EBF1: variants seen among roughly 807,000 people sequenced by gnomAD.
EBF1 encodes the protein EBF transcription factor 1.
Under a neutral mutation model 68.4 loss-of-function variants are expected in EBF1, and 10 were observed. The ratio of observed to expected loss-of-function variants is 0.15; its 90% CI spans 0.09 to 0.25. The LOEUF is 0.25. EBF1 is among the 10% of genes least tolerant of loss of function. The pLI is 1.00. For synonymous variants in EBF1, 298 were observed against 299.8 expected, an observed-to-expected ratio of 0.99 and a Z score of 0.06; for missense variants, 509 against 794.4, an observed-to-expected ratio of 0.64 and a Z score of 4.32.
chr5:158,906,551 G>C (rs994175418), intron 6 of EBF1, among the ~76,000 whole-genome samples: 4 of 152,138 alleles, frequency 2.6e-5, no homozygotes, highest in Admixed American at 2.6e-4. Flanking sequence ...GCTTACACAC[G>C]TCTCATACTC....
chr5:158,970,206 G>C (rs1755345198), intron 6 of EBF1, among the ~76,000 whole-genome samples: 1 of 152,164 alleles, frequency 6.6e-6, no homozygotes, highest in African/African-American at 2.4e-5. Flanking sequence ...ATTTCTTCCA[G>C]AGTGCAGATA....
At chr5:158,853,773 C>T (rs1234389635) in intron 6 of EBF1, among the ~76,000 whole-genome samples, 1 of 152,164 alleles carries the variant, frequency 6.6e-6, no homozygotes, top group Non-Finnish European at 1.5e-5. Flanking sequence ...CACACACTCA[C>T]ATACACATAC....
chr5:158,881,846 G>A (rs546062317), intron 6 of EBF1, among the ~76,000 whole-genome samples: 1 of 152,266 alleles, frequency 6.6e-6, no homozygotes, highest in South Asian at 2.1e-4. Flanking sequence ...CAGCAATGCA[G>A]GGATTCTCAG....
chr5:158,964,191 G>A (rs187073830), intron 6 of EBF1, among the ~76,000 whole-genome samples: 5 of 152,282 alleles, frequency 3.3e-5, no homozygotes, highest in Non-Finnish European at 7.4e-5. Flanking sequence ...CAGAGTTCAC[G>A]GTGAGTGTGC....
chr5:158,903,349 T>C (rs1444517420), intron 6 of EBF1, among the ~76,000 whole-genome samples: 2 of 152,182 alleles, frequency 1.3e-5, no homozygotes, highest in Admixed American at 1.3e-4. Flanking sequence ...ATGCTCACCG[T>C]GTCTGGGTCA....
intron 6 of EBF1, among the ~76,000 whole-genome samples, chr5:158,890,138 G>A (rs189410471): frequency 5.8e-4 from 89 of 152,206 alleles, no homozygotes; most frequent in Non-Finnish European, 1.1e-3. Flanking sequence ...GTGAGAATGC[G>A]TAAAATGAAA....
At position 158,696,117 on chromosome 5, in the gene EBF1, A is replaced by T. The variant is rs1415923323; in HGVS notation, c.*2994T>A. On this transcript the variant is annotated 3_prime_UTR_variant, in exon 16 of 16. Coordinates refer to ENST00000313708, the MANE Select transcript of EBF1 (RefSeq NM_024007.5). The stretch of plus-strand genomic sequence containing the variant: ...GGTTAGTAGATTTAGAGATGACTTC[A>T]TTTAAGCTGCATCCTAGTACAATGT... 1 of 216,218 alleles carries T rather than the reference A, an allele frequency of 4.6e-6. No homozygotes were observed. Among genetic ancestry groups the T allele is most frequent in the Non-Finnish European group, 9.3e-6 (1 of 107,334 alleles). The allele number at this position is 216,218 out of a possible 1,614,324, so 13.4% of individuals were successfully genotyped here.
intron 8 of EBF1, among the ~76,000 whole-genome samples, chr5:158,812,211 A>C (rs1258180563): frequency 2.0e-5 from 3 of 152,216 alleles, no homozygotes; most frequent in Non-Finnish European, 4.4e-5. Flanking sequence ...GAATGATTGA[A>C]TGAATAAGCA....
intron 6 of EBF1, among the ~76,000 whole-genome samples, chr5:158,878,956 C>G (rs1211952365): frequency 6.6e-6 from 1 of 151,994 alleles, no homozygotes; most frequent in Non-Finnish European, 1.5e-5. Flanking sequence ...CCTAGCCAGC[C>G]TAAATTTGTT....
intron 6 of EBF1, among the ~76,000 whole-genome samples, chr5:158,923,988 A>T (rs1809026994): frequency 6.6e-6 from 1 of 152,186 alleles, no homozygotes. Context: ...TACTGTTTTA[A>T]TCACTAGTTT....
At chr5:158,860,096 T>C (rs1403470322) in intron 6 of EBF1, among the ~76,000 whole-genome samples, 4 of 152,254 alleles carry the variant, frequency 2.6e-5, no homozygotes, top group East Asian at 1.9e-4. Flanking sequence ...AATAAACTTC[T>C]AGTTCCGCAC....
chr5:158,751,743 A>C (rs930973114), intron 10 of EBF1, among the ~76,000 whole-genome samples: 1 of 152,138 alleles, frequency 6.6e-6, no homozygotes, highest in East Asian at 1.9e-4. Flanking sequence ...TACGTTATAC[A>C]ATAAGTACTT....
chr5:158,696,313 G>A lies in EBF1; in HGVS notation c.*2798C>T. 4.5e-6 allele frequency: 1 copy of A among 220,802 alleles called. No homozygotes were observed. Among genetic ancestry groups the A allele is most frequent in the Non-Finnish European group, 9.1e-6 (1 of 110,338 alleles). The allele number at this position is 220,802 out of a possible 1,614,324, so 13.7% of individuals were successfully genotyped here. ...TTGTGGAGAAGAAAGAGGATCAGAG[G>A]GCCAGAATGTCTTTTCATCTAATCA... On this transcript the variant is annotated 3_prime_UTR_variant, in exon 16 of 16. Coordinates refer to ENST00000313708, the MANE Select transcript of EBF1 (RefSeq NM_024007.5).
At chr5:158,995,898 C>T (rs1008503674) in intron 6 of EBF1, among the ~76,000 whole-genome samples, 3 of 152,262 alleles carry the variant, frequency 2.0e-5, no homozygotes, top group South Asian at 2.1e-4. Context: ...TATCACATGA[C>T]GTGCAGAGCC....
intron 6 of EBF1, among the ~76,000 whole-genome samples, chr5:158,981,104 C>T (rs1757805165): frequency 6.6e-6 from 1 of 151,186 alleles, no homozygotes; most frequent in African/African-American, 2.4e-5. Flanking sequence ...TTTGTTACAC[C>T]AATACTCAAA....
At chr5:158,874,862 G>A (rs1004588867) in intron 6 of EBF1, among the ~76,000 whole-genome samples, 9 of 152,132 alleles carry the variant, frequency 5.9e-5, no homozygotes, top group Non-Finnish European at 1.3e-4. Context: ...CAGAGTGTTT[G>A]GGATCCTCTT....
rs117454373 is a variant in EBF1, at chr5:159,092,701, A to C, written c.411+2919T>G. 2.6e-4 allele frequency among the ~76,000 whole-genome samples: 40 copies of C among 152,356 alleles called. No homozygotes were observed. The East Asian group carries it at 7.3e-3, about 28-fold the overall frequency. ...CCCACTTTCTAGTCAAGAATATGAC[A>C]TCACTCACATAAAGCTGCATCTCTG... On this transcript the variant is annotated intron_variant, in intron 4 of 15. Transcript: ENST00000313708.
At chr5:158,919,261 T>C (rs529205357) in intron 6 of EBF1, among the ~76,000 whole-genome samples, 1 of 151,154 alleles carries the variant, frequency 6.6e-6, no homozygotes, top group South Asian at 2.1e-4. Context: ...GAAATGGAAG[T>C]TTGGAATAAT....
Position 159,097,031 on chromosome 5 carries a change from C to T in EBF1, c.234G>A (p.Gln78=), listed in dbSNP as rs1334437595. The T allele has an allele frequency of 6.2e-7, 1 of 1,613,974 alleles. No homozygotes were observed. The highest frequency in any genetic ancestry group is 1.3e-5 in the African/African-American group (1 of 74,954). Residue 78 remains glutamine (Q), a synonymous_variant, in exon 2 of 16, where the codon CAG becomes CAA. Transcript: ENST00000313708. ...FHFVLALYDR[Q]GQPVEIERTA... is the part of the protein sequence containing the mutation. ...TCCTCTCGATCTCCACGGGCTGGCC[C>T]TGTCTGTCGTAGAGGGCCAGGACGA...
Sources: gnomAD v4.1 joint callset for allele counts (sites outside exome capture counted in the v4.1 genomes callset) on GRCh38, gnomAD v4.1.1 for gene constraint, MANE v1.5 for transcripts, NCBI Gene and HGNC (gene_info 2026-07-23, HGNC 2026-07-21) for gene names.